Variants in SIAH1 observed in about 807,000 individuals in gnomAD.
SIAH1 encodes the protein siah E3 ubiquitin protein ligase 1.
Under a neutral mutation model 20.0 loss-of-function variants are expected in SIAH1, and 2 were observed. That is an observed-to-expected ratio of 0.10 (90% CI 0.04 to 0.31). SIAH1 has a LOEUF of 0.31. SIAH1 is among the 10% of genes least tolerant of loss of function. The pLI is 1.00. For missense variants in SIAH1, 119 were observed against 355.3 expected (o/e 0.33, Z 5.35); for synonymous variants, 118 against 125.3 (o/e 0.94, Z 0.39).
intron 1 of SIAH1, chr16:48,365,722 G>A: frequency 7.0e-7 from 1 of 1,420,202 alleles, no homozygotes; most frequent in Non-Finnish European, 9.2e-7. Context: ...AGCCACAGCT[G>A]CGCTGTCCTC....
chr16:48,370,119 C>G (rs891967599), intron 1 of SIAH1, among the ~76,000 whole-genome samples: 2 of 152,158 alleles, frequency 1.3e-5, no homozygotes, highest in African/African-American at 4.8e-5. Flanking sequence ...TGCAGATAAC[C>G]TTCTGATATG....
intron 1 of SIAH1, among the ~76,000 whole-genome samples, chr16:48,374,573 T>G (rs1961058155): frequency 6.6e-6 from 1 of 152,042 alleles, no homozygotes; most frequent in Admixed American, 6.5e-5. Flanking sequence ...AGACTGCATC[T>G]AGGAGAAAGG....
chr16:48,376,434 C>G (rs1053661306), intron 1 of SIAH1, among the ~76,000 whole-genome samples: 6 of 151,984 alleles, frequency 3.9e-5, no homozygotes, highest in Non-Finnish European at 8.8e-5. Context: ...TTAAAACCAG[C>G]CTATTCACAA....
upstream of SIAH1, among the ~76,000 whole-genome samples, chr16:48,386,607 T>A (rs2151058161): frequency 6.6e-6 from 1 of 152,386 alleles, no homozygotes; most frequent in Non-Finnish European, 1.5e-5. Context: ...TAGTTTACAG[T>A]ATTCCTAATT....
chr16:48,386,692 A>G (rs1961475228), upstream of SIAH1, among the ~76,000 whole-genome samples: 1 of 152,182 alleles, frequency 6.6e-6, no homozygotes, highest in Non-Finnish European at 1.5e-5. Context: ...GGGAAGGTCA[A>G]TAGAGTTCGG....
intron 1 of SIAH1, among the ~76,000 whole-genome samples, chr16:48,368,380 CTTAA>C (rs1178343729): frequency 8.5e-5 from 13 of 152,234 alleles, no homozygotes; most frequent in East Asian, 3.9e-4. Flanking sequence ...CATGTTTATT[CTTAA>C]TTTAGTAAAA....
At chr16:48,380,689 C>T (rs1393198541) in intron 1 of SIAH1, among the ~76,000 whole-genome samples, 7 of 151,550 alleles carry the variant, frequency 4.6e-5, no homozygotes, top group Admixed American at 1.3e-4. Flanking sequence ...TTTGGGAGGC[C>T]GAGGTGGGCG....
chr16:48,377,198 A>G (rs1047377878), intron 1 of SIAH1, among the ~76,000 whole-genome samples: 1 of 152,194 alleles, frequency 6.6e-6, no homozygotes, highest in African/African-American at 2.4e-5. Context: ...TTCTCTTTCT[A>G]GTTTATTCCA....
chr16:48,379,478 T>C (rs924081144), intron 1 of SIAH1, among the ~76,000 whole-genome samples: 10 of 152,084 alleles, frequency 6.6e-5, no homozygotes, highest in South Asian at 2.1e-4. Context: ...CTAGAGAAGT[T>C]TGTAAGAAAC....
intron 1 of SIAH1, among the ~76,000 whole-genome samples, chr16:48,379,978 C>T (rs1961226725): frequency 6.6e-6 from 1 of 152,072 alleles, no homozygotes; most frequent in Admixed American, 6.6e-5. Context: ...AGAAAGCTCA[C>T]TTAAACTGCA....
At chr16:48,384,672 G>A (rs1282353020) in intron 1 of SIAH1, among the ~76,000 whole-genome samples, 1 of 150,060 alleles carries the variant, frequency 6.7e-6, no homozygotes, top group African/African-American at 2.4e-5. Context: ...AGAGAGCGGA[G>A]GCCGAGGCCC....
chr16:48,370,262 T>C (rs74017938), intron 1 of SIAH1, among the ~76,000 whole-genome samples: 1,860 of 152,294 alleles, frequency 0.012, 40 homozygotes, highest in African/African-American at 0.042. Context: ...ACATTACTCT[T>C]GTAACTCCTT....
chr16:48,362,232 C>T lies in SIAH1; in HGVS notation c.197G>A (p.Arg66His). ...QSGHLVCSNCRPKLTCCPTCR... is the reference protein window; with the variant it reads ...QSGHLVCSNCHPKLTCCPTCR... ...AGTTGGACAACATGTGAGCTTTGGG[C>T]GACAGTTGCTACAAACAAGATGGCC... Residue 66 changes from arginine (R) to histidine (H), a missense_variant, in exon 2 of 2, where the codon CGC becomes CAC. By Grantham distance (29) the Arg-to-His change is conservative (BLOSUM62 0). Coordinates refer to ENST00000394725, the MANE Select transcript of SIAH1 (RefSeq NM_003031.4). This position sits in a 1 kb window ranked among gnomAD's most constrained non-coding sequence, Gnocchi z 4.2. 6.2e-7 allele frequency: 1 copy of T among 1,614,184 alleles called. No homozygotes were observed. Among genetic ancestry groups the T allele is most frequent in the Non-Finnish European group, 8.5e-7 (1 of 1,180,040 alleles).
chr16:48,383,241 T>C (rs904787005), intron 1 of SIAH1, among the ~76,000 whole-genome samples: 1 of 152,056 alleles, frequency 6.6e-6, no homozygotes, highest in African/African-American at 2.4e-5. Flanking sequence ...AAAAACTGTT[T>C]GGCATAAACT....
At chr16:48,385,025 G>A (rs1961412797) in intron 1 of SIAH1, among the ~76,000 whole-genome samples, 179 bp downstream of exon 1, 1 of 148,086 alleles carries the variant, frequency 6.8e-6, no homozygotes, top group Non-Finnish European at 1.5e-5. Flanking sequence ...GGGAGGGGCG[G>A]GGGGCGGCGC....
rs968050946 is a variant in SIAH1, at chr16:48,362,439, A to C, written c.-2-9T>G. Reference sequence around the variant, plus strand: ...AGTCTGACGGCTCATTTCTGAAATAAATACATAAGGAGGCAGGAGAAAAAT... The same window carrying C: ...AGTCTGACGGCTCATTTCTGAAATACATACATAAGGAGGCAGGAGAAAAAT... On this transcript the variant is annotated splice_polypyrimidine_tract_variant and intron_variant, in intron 1 of 1. Transcript: ENST00000394725. The surrounding 1 kb of genome is among the most constrained non-coding windows in gnomAD (Gnocchi z 4.2). 3.1e-6 allele frequency: 5 copies of C among 1,613,784 alleles called. No homozygotes were observed. The highest frequency in any genetic ancestry group is 3.3e-5 in the Admixed American group (2 of 60,012).
chr16:48,362,735 A>G lies in SIAH1; in HGVS notation c.-2-305T>C. ...AATGCTAAAATAGAAAATGGACCAT[A>G]AACAACTAAAGAAACTATACAAGGA... On this transcript the variant is annotated intron_variant, in intron 1 of 1. Transcript: ENST00000394725. This position sits in a 1 kb window ranked among gnomAD's most constrained non-coding sequence, Gnocchi z 4.2. 3.7e-6 allele frequency: 1 copy of G among 267,870 alleles called. No homozygotes were observed. 16.6% of individuals were successfully genotyped at this position (267,870 alleles called of 1,614,324 possible).
intron 1 of SIAH1, among the ~76,000 whole-genome samples, chr16:48,378,505 G>C (rs957242473): frequency 1.3e-5 from 2 of 152,222 alleles, no homozygotes. Context: ...TCTTCGATCT[G>C]GGAGGTGGTT....
At chr16:48,382,143 G>C (rs1239356609) in intron 1 of SIAH1, among the ~76,000 whole-genome samples, 2 of 152,146 alleles carry the variant, frequency 1.3e-5, no homozygotes, top group Non-Finnish European at 2.9e-5. Context: ...TTGGGAGTCC[G>C]AGGTGGGCGG....
Sources: gnomAD v4.1 joint callset for allele counts (sites outside exome capture counted in the v4.1 genomes callset) on GRCh38, gnomAD v4.1.1 for gene constraint, Gnocchi (gnomAD v3.1) non-coding constraint, MANE v1.5 for transcripts, NCBI Gene and HGNC (gene_info 2026-07-23, HGNC 2026-07-21) for gene names.